Variants in XKR4 observed in about 807,000 individuals in gnomAD.
The protein encoded by XKR4 is XK related 4, also known as XK-related protein 4.
A neutral mutation model predicts 53.9 loss-of-function variants in XKR4; 12 were observed. The ratio of observed to expected loss-of-function variants is 0.22; its 90% CI spans 0.14 to 0.36. XKR4 has a LOEUF of 0.36. Ranked by LOEUF, XKR4 falls within the 10% of genes least tolerant of loss-of-function variation. The pLI is 1.00. For synonymous variants in XKR4, 354 were observed against 362.4 expected (o/e 0.98, Z 0.26); for missense variants, 799 against 859.5 (o/e 0.93, Z 0.88).
intron 1 of XKR4, among the ~76,000 whole-genome samples, chr8:55,268,058 C>T (rs1321233214): frequency 2.0e-5 from 3 of 152,150 alleles, no homozygotes; most frequent in African/African-American, 7.2e-5. Flanking sequence ...TGCAGTTGGG[C>T]TCTGTCCTAT....
chr8:55,110,052 T>A (rs1816210710), intron 1 of XKR4, among the ~76,000 whole-genome samples: 1 of 152,190 alleles, frequency 6.6e-6, no homozygotes, highest in African/African-American at 2.4e-5. Flanking sequence ...TAGAAATTTG[T>A]ATGGAACAAC....
intron 2 of XKR4, among the ~76,000 whole-genome samples, chr8:55,395,562 T>C (rs372203486): frequency 1.6e-4 from 25 of 152,018 alleles, no homozygotes; most frequent in African/African-American, 5.8e-4. Context: ...AATTCATAGA[T>C]AGGTGATGGG....
At chr8:55,131,156 GTC>G (rs1816548735) in intron 1 of XKR4, among the ~76,000 whole-genome samples, 1 of 63,142 alleles carries the variant, frequency 1.6e-5, no homozygotes, top group African/African-American at 4.4e-5. Flanking sequence ...CGAAATGGCT[GTC>G]TCAAAAACAA....
At chr8:55,348,383 C>T (rs1388453051) in intron 1 of XKR4, among the ~76,000 whole-genome samples, 2 of 152,170 alleles carry the variant, frequency 1.3e-5, no homozygotes, top group South Asian at 4.1e-4. Context: ...CCATCCCTGC[C>T]TTCTCAAGGG....
chr8:55,533,198 T>C lies in XKR4; in HGVS notation c.*8971T>C, dbSNP rs1224141836. ...GCATTGCCATTGTGAGTCTAGAAAA[T>C]GAGCACTTTGTGTGTTGAGCGCTGT... is the stretch of plus-strand genomic sequence containing the variant. On this transcript the variant is annotated 3_prime_UTR_variant, in exon 3 of 3. Coordinates refer to ENST00000327381, the MANE Select transcript of XKR4 (RefSeq NM_052898.2). The C allele has an allele frequency of 6.6e-6, 1 of 152,182 alleles. No homozygotes were observed. Among genetic ancestry groups the C allele is most frequent in the Non-Finnish European group, 1.5e-5 (1 of 68,032 alleles). 9.4% of individuals were successfully genotyped at this position (152,182 alleles called of 1,614,324 possible).
chr8:55,102,494 C>A lies in XKR4; in HGVS notation c.6C>A (p.Ala2=). ...TCCTCCGGTGTGGAGGCATCATGGC[C>A]GCTAAATCAGACGGGAGGCTGAAAA... M[A]AKSDGRLKMK... is the part of the protein sequence containing the mutation. The change falls in exon 1 of 3, where the codon GCC becomes GCA. Residue 2 remains alanine (A), a synonymous_variant. Transcript: ENST00000327381. The surrounding 1 kb of genome is among the most constrained non-coding windows in gnomAD (Gnocchi z 5.1). The A allele has an allele frequency of 1.9e-6, 3 of 1,548,968 alleles. No individual in the cohort carries two copies. The highest frequency in any genetic ancestry group is 1.1e-5 in the South Asian group (1 of 88,682).
At chr8:55,382,144 G>A (rs1048632049) in intron 2 of XKR4, among the ~76,000 whole-genome samples, 1 of 152,110 alleles carries the variant, frequency 6.6e-6, no homozygotes, top group Non-Finnish European at 1.5e-5. Flanking sequence ...ATTTTAAATG[G>A]CCAGGAAAAA....
At chr8:55,115,653 C>T (rs544764254) in intron 1 of XKR4, among the ~76,000 whole-genome samples, 36 of 151,156 alleles carry the variant, frequency 2.4e-4, no homozygotes, top group African/African-American at 8.1e-4. Flanking sequence ...CATGGTGGTA[C>T]GCACCTGTAG....
At chr8:55,415,484 T>G (rs897232158) in intron 2 of XKR4, among the ~76,000 whole-genome samples, 3 of 152,186 alleles carry the variant, frequency 2.0e-5, no homozygotes, top group African/African-American at 7.2e-5. Flanking sequence ...TCACCTCACA[T>G]TCAGCAAGCG....
chr8:55,255,192 G>T (rs529811348), intron 1 of XKR4, among the ~76,000 whole-genome samples: 12 of 152,236 alleles, frequency 7.9e-5, no homozygotes, highest in Admixed American at 4.6e-4. Flanking sequence ...GGCTCTGGAT[G>T]GTAGAGTGCC....
At chr8:55,174,866 G>T (rs1422592800) in intron 1 of XKR4, among the ~76,000 whole-genome samples, 3 of 152,172 alleles carry the variant, frequency 2.0e-5, no homozygotes, top group African/African-American at 7.2e-5. Flanking sequence ...CAGCATGACT[G>T]TCTCAGCCAA....
At chr8:55,251,844 G>A (rs894781613) in intron 1 of XKR4, among the ~76,000 whole-genome samples, 3 of 152,128 alleles carry the variant, frequency 2.0e-5, no homozygotes, top group Non-Finnish European at 2.9e-5. Context: ...ATAATTTATC[G>A]GTCTCTAAAA....
intron 2 of XKR4, among the ~76,000 whole-genome samples, chr8:55,481,762 A>G (rs1489296499): frequency 6.6e-6 from 1 of 152,240 alleles, no homozygotes; most frequent in Admixed American, 6.5e-5. Flanking sequence ...TCTCAAAAGA[A>G]GACATTTATG....
intron 2 of XKR4, among the ~76,000 whole-genome samples, chr8:55,511,796 G>A (rs1008458519): frequency 6.6e-6 from 1 of 152,072 alleles, no homozygotes; most frequent in Non-Finnish European, 1.5e-5. Flanking sequence ...CCTGTCAAAA[G>A]CATTTCTTTT....
chr8:55,178,666 C>T (rs1453440619), intron 1 of XKR4, among the ~76,000 whole-genome samples: 3 of 152,106 alleles, frequency 2.0e-5, no homozygotes, highest in Non-Finnish European at 2.9e-5. Context: ...AGTCCTAGCT[C>T]GACACTAACT....
At chr8:55,357,919 G>A (rs1261228904) in intron 2 of XKR4, 42 bp downstream of exon 2, 1 of 1,575,906 alleles carries the variant, frequency 6.3e-7, no homozygotes, top group East Asian at 2.3e-5. Flanking sequence ...GGGAAAGATT[G>A]ACTGGCTACT....
Position 55,259,167 on chromosome 8 carries a change from C to A in XKR4, c.807-98511C>A, listed in dbSNP as rs1818481268. ...GCTGCACTGCAGATCATAGCACCGG[C>A]ATCCACTGCGCGGGGACGCACCTGG... is the stretch of plus-strand genomic sequence containing the variant. On this transcript the variant is annotated intron_variant, in intron 1 of 2. Coordinates refer to ENST00000327381, the MANE Select transcript of XKR4 (RefSeq NM_052898.2). 2.0e-5 allele frequency among the ~76,000 whole-genome samples: 3 copies of A among 152,214 alleles called. No individual in the cohort carries two copies. The South Asian group carries it at 6.2e-4, about 31-fold the overall frequency.
chr8:55,149,714 G>T (rs1440255942), intron 1 of XKR4, among the ~76,000 whole-genome samples: 1 of 152,124 alleles, frequency 6.6e-6, no homozygotes, highest in Admixed American at 6.5e-5. Flanking sequence ...CCAGCAGGCT[G>T]GGATTAGGAA....
chr8:55,241,652 T>G (rs944105854), intron 1 of XKR4, among the ~76,000 whole-genome samples: 4 of 152,196 alleles, frequency 2.6e-5, no homozygotes, highest in Non-Finnish European at 5.9e-5. Flanking sequence ...TACTAGAATT[T>G]CAGGGTTTCA....
Sources: gnomAD v4.1 joint callset for allele counts (sites outside exome capture counted in the v4.1 genomes callset) on GRCh38, gnomAD v4.1.1 for gene constraint, Gnocchi (gnomAD v3.1) non-coding constraint, MANE v1.5 for transcripts, NCBI Gene and HGNC (gene_info 2026-07-23, HGNC 2026-07-21) for gene names.